The following ZNG1B variants were observed in gnomAD, a reference collection of about 807,000 sequenced individuals.
ZNG1B encodes the protein zinc-regulated GTPase metalloprotein activator 1B.
At chr2:113,479,021 C>T in the ZNG1B span, among the ~76,000 whole-genome samples, 2 of 151,942 alleles carry the variant, frequency 1.3e-5, no homozygotes, top group Non-Finnish European at 2.9e-5. Flanking sequence ...AAACAAATTA[C>T]GGTTAAAATT....
At chr2:113,452,315 T>C in the ZNG1B span, among the ~76,000 whole-genome samples, 12 of 152,154 alleles carry the variant, frequency 7.9e-5, no homozygotes, top group Non-Finnish European at 2.9e-5. Flanking sequence ...GGGGACCACA[T>C]CTTGGCAGAG....
chr2:113,451,620 G>A, the ZNG1B span, among the ~76,000 whole-genome samples: 2 of 151,620 alleles, frequency 1.3e-5, no homozygotes, highest in African/African-American at 4.8e-5. Flanking sequence ...ATATTCCCTG[G>A]GGAGAAAAGC....
At chr2:113,459,980 AT>A in the ZNG1B span, among the ~76,000 whole-genome samples, 1 of 145,422 alleles carries the variant, frequency 6.9e-6, no homozygotes, top group Non-Finnish European at 1.5e-5. Flanking sequence ...GTGTCAAAAT[AT>A]TTTTTGGAGT....
At chr2:113,437,719 C>G in the ZNG1B span, 1 of 1,523,618 alleles carries the variant, frequency 6.6e-7, no homozygotes, top group African/African-American at 1.4e-5. Flanking sequence ...CGTCCAGAGC[C>G]CAGGTAATCC....
At chr2:113,465,954 A>G in the ZNG1B span, 12 of 984,944 alleles carry the variant, frequency 1.2e-5, no homozygotes, top group African/African-American at 7.0e-5. Context: ...CCAGACTGCC[A>G]TAAGTATTAG....
the ZNG1B span, among the ~76,000 whole-genome samples, chr2:113,479,685 C>T: frequency 6.6e-6 from 1 of 152,204 alleles, no homozygotes; most frequent in African/African-American, 2.4e-5. Flanking sequence ...CCCTTTCATC[C>T]ACCGTGTCTG....
At chr2:113,463,567 T>C in the ZNG1B span, among the ~76,000 whole-genome samples, 1 of 152,358 alleles carries the variant, frequency 6.6e-6, no homozygotes, top group African/African-American at 2.4e-5. Flanking sequence ...TAAAAAAATA[T>C]AATGTCTCCA....
chr2:113,490,281 A>G, the ZNG1B span, among the ~76,000 whole-genome samples: 1 of 152,232 alleles, frequency 6.6e-6, no homozygotes, highest in Non-Finnish European at 1.5e-5. Flanking sequence ...TGAAATCAAG[A>G]TGGAAATGTA....
At chr2:113,490,027 A>G in the ZNG1B span, among the ~76,000 whole-genome samples, 1 of 148,738 alleles carries the variant, frequency 6.7e-6, no homozygotes, top group East Asian at 2.0e-4. Flanking sequence ...AAAGATATAT[A>G]CAGAATATTC....
chr2:113,457,907 C>A, the ZNG1B span, among the ~76,000 whole-genome samples: 1 of 143,080 alleles, frequency 7.0e-6, no homozygotes, highest in Admixed American at 7.3e-5. Flanking sequence ...CATCTCACAC[C>A]GCTCCCCTTT....
chr2:113,473,748 G>A, the ZNG1B span, among the ~76,000 whole-genome samples: 1 of 148,130 alleles, frequency 6.8e-6, no homozygotes, highest in East Asian at 2.1e-4. Context: ...AGATAATCAT[G>A]TGGTTTTTGT....
chr2:113,440,418 C>T, the ZNG1B span, among the ~76,000 whole-genome samples: 2 of 151,928 alleles, frequency 1.3e-5, no homozygotes, highest in African/African-American at 4.8e-5. Context: ...CACTCATGTT[C>T]AGGGCCTCTG....
At chr2:113,445,704 TC>T in the ZNG1B span, among the ~76,000 whole-genome samples, 2 of 149,024 alleles carry the variant, frequency 1.3e-5, no homozygotes, top group African/African-American at 2.5e-5. Flanking sequence ...CTGCTTATTT[TC>T]CCCAAATAAC....
the ZNG1B span, among the ~76,000 whole-genome samples, chr2:113,487,301 A>G: frequency 6.6e-6 from 1 of 151,980 alleles, no homozygotes; most frequent in Non-Finnish European, 1.5e-5. Flanking sequence ...TAAGTACACT[A>G]TCATGTTTGT....
At chr2:113,444,251 A>T in the ZNG1B span, 4 of 309,338 alleles carry the variant, frequency 1.3e-5, no homozygotes, top group Non-Finnish European at 2.5e-5. Context: ...ATGTTCTACT[A>T]GTTAAGTTTT....
At chr2:113,448,615 CTG>C in the ZNG1B span, among the ~76,000 whole-genome samples, 1 of 148,730 alleles carries the variant, frequency 6.7e-6, no homozygotes, top group African/African-American at 2.6e-5. Flanking sequence ...CATTAAAAAT[CTG>C]TTGCTGGCCG....
the ZNG1B span, among the ~76,000 whole-genome samples, chr2:113,477,339 C>T: frequency 6.6e-6 from 1 of 152,194 alleles, no homozygotes; most frequent in African/African-American, 2.4e-5. Context: ...TGACCCCCTG[C>T]GCTTCCCAAG....
chr2:113,490,589 A>G, the ZNG1B span, among the ~76,000 whole-genome samples: 1 of 152,230 alleles, frequency 6.6e-6, no homozygotes, highest in Admixed American at 6.5e-5. Context: ...ACTGTTAGCA[A>G]GATCAGCCAA....
At chr2:113,437,840 G>T in the ZNG1B span, 2 of 1,611,698 alleles carry the variant, frequency 1.2e-6, no homozygotes. Flanking sequence ...CAGCGGTTCA[G>T]CTGAGGTAGG....
Sources: allele counts gnomAD v4.1 joint callset (sites outside exome capture counted in the v4.1 genomes callset), GRCh38; gene constraint gnomAD v4.1.1; transcripts MANE v1.5; gene names NCBI Gene and HGNC (gene_info 2026-07-23, HGNC 2026-07-21).